The following SGCD variants were observed in gnomAD, a reference collection of about 807,000 sequenced individuals.
The protein encoded by SGCD is delta-sarcoglycan.
Under a neutral mutation model 36.6 loss-of-function variants are expected in SGCD, and 18 were observed. That is an observed-to-expected ratio of 0.49 (90% CI 0.34 to 0.73). The LOEUF is 0.73. Ranked by LOEUF, SGCD falls within the 30% of genes least tolerant of loss-of-function variation. The pLI, the probability that SGCD is intolerant of heterozygous loss-of-function variation, is 0.01. For missense variants in SGCD, 387 were observed against 346.7 expected (o/e 1.12, Z -0.92); for synonymous variants, 133 against 130.6 (o/e 1.02, Z -0.12).
chr5:155,966,124 A>G (rs1757899114), intron 1 of SGCD, among the ~76,000 whole-genome samples: 1 of 152,150 alleles, frequency 6.6e-6, no homozygotes, highest in South Asian at 2.1e-4. Flanking sequence ...CGATGCTGAG[A>G]GAAGTGTCTG....
intron 3 of SGCD, among the ~76,000 whole-genome samples, chr5:156,171,355 T>A (rs1418243745): frequency 6.6e-6 from 1 of 152,208 alleles, no homozygotes; most frequent in Non-Finnish European, 1.5e-5. Context: ...ATAAATTTCT[T>A]TTTCCAAAAT....
intron 3 of SGCD, among the ~76,000 whole-genome samples, chr5:156,449,857 A>G (rs1753929792): frequency 1.3e-5 from 2 of 150,756 alleles, no homozygotes; most frequent in African/African-American, 2.4e-5. Flanking sequence ...CATCTCAAAA[A>G]AAAAAAAAAA....
At chr5:156,234,201 C>T (rs1430174985) in intron 3 of SGCD, among the ~76,000 whole-genome samples, 1 of 152,108 alleles carries the variant, frequency 6.6e-6, no homozygotes, top group South Asian at 2.1e-4. Context: ...TGTTTATTTA[C>T]ATTTTTAGCC....
At chr5:156,694,500 C>T (rs1335813300) in intron 7 of SGCD, among the ~76,000 whole-genome samples, 1 of 151,978 alleles carries the variant, frequency 6.6e-6, no homozygotes, top group Non-Finnish European at 1.5e-5. Flanking sequence ...TCACACTAAC[C>T]CTGTCAGAGA....
At chr5:156,351,571 A>T (rs1299273577) in intron 3 of SGCD, among the ~76,000 whole-genome samples, 1 of 151,570 alleles carries the variant, frequency 6.6e-6, no homozygotes, top group Non-Finnish European at 1.5e-5. Flanking sequence ...GCACATAGTA[A>T]ACACTTTATA....
At chr5:156,593,736 A>C (rs1205355803) in intron 5 of SGCD, among the ~76,000 whole-genome samples, 1 of 152,140 alleles carries the variant, frequency 6.6e-6, no homozygotes, top group Non-Finnish European at 1.5e-5. Flanking sequence ...CACTGCAATG[A>C]GTAATAAACC....
intron 3 of SGCD, among the ~76,000 whole-genome samples, chr5:156,251,843 T>C (rs2127661221): frequency 6.6e-6 from 1 of 152,060 alleles, no homozygotes; most frequent in East Asian, 2.0e-4. Context: ...CGAAACTGTC[T>C]TGGAGATACA....
chr5:155,829,772 C>T, the SGCD span, among the ~76,000 whole-genome samples: 3 of 152,070 alleles, frequency 2.0e-5, no homozygotes, highest in Non-Finnish European at 4.4e-5. Flanking sequence ...GTGTAGATTA[C>T]ATGTAACCTT....
chr5:156,458,989 G>A (rs1754369986), intron 3 of SGCD, among the ~76,000 whole-genome samples: 1 of 152,148 alleles, frequency 6.6e-6, no homozygotes, highest in South Asian at 2.1e-4. Context: ...ATAAAATAAA[G>A]CCCTTTCAAA....
At chr5:156,515,607 C>T (rs1757124564) in intron 4 of SGCD, among the ~76,000 whole-genome samples, 1 of 152,186 alleles carries the variant, frequency 6.6e-6, no homozygotes. Flanking sequence ...GCTACCCTGC[C>T]AAGGAAACCA....
At chr5:156,554,408 A>T (rs962043837) in intron 4 of SGCD, among the ~76,000 whole-genome samples, 2 of 151,220 alleles carry the variant, frequency 1.3e-5, no homozygotes, top group Non-Finnish European at 2.9e-5. Context: ...CATAATTTTT[A>T]TTATGATATA....
At chr5:155,837,581 A>G in the SGCD span, among the ~76,000 whole-genome samples, 1 of 152,176 alleles carries the variant, frequency 6.6e-6, no homozygotes, top group African/African-American at 2.4e-5. Context: ...ACAAAGAGGG[A>G]CATAAGTCAT....
chr5:155,883,837 AAAT>A (rs2113300645), intron 1 of SGCD, among the ~76,000 whole-genome samples: 1 of 151,744 alleles, frequency 6.6e-6, no homozygotes, highest in South Asian at 2.1e-4. Flanking sequence ...TTTGGAATGA[AAAT>A]AATATGAAAT....
chr5:156,122,843 T>TTAAAA (rs1762076620), intron 2 of SGCD, among the ~76,000 whole-genome samples: 6 of 54,158 alleles, frequency 1.1e-4, no homozygotes, highest in African/African-American at 8.1e-5. Flanking sequence ...AAAGATGTGG[T>TTAAAA]AAAAAAAAAA....
intron 3 of SGCD, among the ~76,000 whole-genome samples, chr5:156,400,984 G>C (rs189200895): frequency 1.3e-5 from 2 of 152,182 alleles, no homozygotes. Flanking sequence ...ATGCTTATAA[G>C]AGTGTTAATC....
At chr5:156,221,470 A>G (rs1764713707) in intron 3 of SGCD, among the ~76,000 whole-genome samples, 1 of 152,004 alleles carries the variant, frequency 6.6e-6, no homozygotes, top group East Asian at 1.9e-4. Flanking sequence ...GCTTTGGCAA[A>G]TTGCCCAACT....
At chr5:156,296,474 TTTAC>T (rs1470457488) in intron 3 of SGCD, among the ~76,000 whole-genome samples, 1 of 152,218 alleles carries the variant, frequency 6.6e-6, no homozygotes, top group Non-Finnish European at 1.5e-5. Context: ...TAGCTATAAA[TTTAC>T]ACCTTAACAC....
intron 7 of SGCD, among the ~76,000 whole-genome samples, chr5:156,748,936 T>C (rs1757047251): frequency 6.6e-6 from 1 of 152,140 alleles, no homozygotes; most frequent in Non-Finnish European, 1.5e-5. Context: ...AGCTAATTTT[T>C]GTATTTTCAG....
chr5:156,211,168 A>G (rs571921883), intron 3 of SGCD, among the ~76,000 whole-genome samples: 6 of 152,224 alleles, frequency 3.9e-5, no homozygotes, highest in African/African-American at 1.4e-4. Context: ...TGCTAAAGGA[A>G]AAAAAAACAA....
Sources: gnomAD v4.1 joint callset for allele counts (sites outside exome capture counted in the v4.1 genomes callset) on GRCh38, gnomAD v4.1.1 for gene constraint, MANE v1.5 for transcripts, NCBI Gene and HGNC (gene_info 2026-07-23, HGNC 2026-07-21) for gene names.